PHF24: variants seen among roughly 807,000 people sequenced by gnomAD.
PHF24 encodes the protein Galpha inhibitory interacting protein.
PHF24 carries 25 observed loss-of-function variants against 42.6 expected under a neutral mutation model. That is an observed-to-expected ratio of 0.59 (90% CI 0.43 to 0.82). The LOEUF is 0.82. Among genes scored for constraint, PHF24 ranks in the 40% least tolerant of loss-of-function variants. The pLI is 0.00. For synonymous variants in PHF24, 185 were observed against 204.8 expected (o/e 0.90, Z 0.83); for missense variants, 470 against 538.1 (o/e 0.87, Z 1.25).
At chr9:34,946,468 CCCAT>C in the PHF24 span, among the ~76,000 whole-genome samples, 1 of 152,128 alleles carries the variant, frequency 6.6e-6, no homozygotes, top group South Asian at 2.1e-4. Context: ...CATTTCCAAA[CCCAT>C]TTGAAGATGT....
chr9:34,905,638 A>C, the PHF24 span, among the ~76,000 whole-genome samples: 1 of 152,210 alleles, frequency 6.6e-6, no homozygotes, highest in Non-Finnish European at 1.5e-5. Flanking sequence ...GATGGCATTC[A>C]AGCTGGTGCT....
intron 1 of PHF24, among the ~76,000 whole-genome samples, chr9:34,969,988 T>C (rs564530817): frequency 6.6e-6 from 1 of 152,332 alleles, no homozygotes; most frequent in South Asian, 2.1e-4. Context: ...CACTTTGACT[T>C]CTTTGGTTTC....
At chr9:34,718,892 A>G in the PHF24 span, among the ~76,000 whole-genome samples, 1 of 152,188 alleles carries the variant, frequency 6.6e-6, no homozygotes, top group African/African-American at 2.4e-5. Context: ...CCCTTCTGGA[A>G]AGCCCAAGAG....
the PHF24 span, chr9:34,835,015 G>A: frequency 6.8e-7 from 1 of 1,462,034 alleles, no homozygotes; most frequent in Non-Finnish European, 9.3e-7. Context: ...ATAGCTGGCT[G>A]TATTTCTGCT....
At chr9:34,870,035 T>G in the PHF24 span, among the ~76,000 whole-genome samples, 1 of 152,154 alleles carries the variant, frequency 6.6e-6, no homozygotes, top group African/African-American at 2.4e-5. Context: ...TATTTGTTTT[T>G]GTTGTTTTTT....
the PHF24 span, among the ~76,000 whole-genome samples, chr9:34,875,620 G>GA: frequency 2.0e-5 from 3 of 151,920 alleles, no homozygotes; most frequent in Non-Finnish European, 2.9e-5. Flanking sequence ...TAGTCACAGT[G>GA]AAAAAAATGG....
At chr9:34,811,372 G>C in the PHF24 span, among the ~76,000 whole-genome samples, 1 of 152,198 alleles carries the variant, frequency 6.6e-6, no homozygotes, top group African/African-American at 2.4e-5. Flanking sequence ...GGTCTTGAGA[G>C]CTCTGCCCTC....
At chr9:34,673,170 A>G in the PHF24 span, among the ~76,000 whole-genome samples, 3 of 152,266 alleles carry the variant, frequency 2.0e-5, no homozygotes, top group East Asian at 5.8e-4. Context: ...AGCCTAGCCA[A>G]CCTAGTGAAA....
At position 34,974,594 on chromosome 9, in the gene PHF24, G is replaced by A. The variant is rs183246413; in HGVS notation, c.565-1558G>A. Among the ~76,000 whole-genome samples, 5 of 152,094 alleles carry A rather than the reference G, an allele frequency of 3.3e-5. No homozygotes were observed. The East Asian group carries it at 5.8e-4, about 18-fold the overall frequency. ...TGACCATTCTTTCTCAATGCCCTTT[G>A]TTAGTTTCTTGTCTCAGTCCTGTTT... On this transcript the variant is annotated intron_variant, in intron 3 of 7. Transcript: ENST00000242315.
the PHF24 span, among the ~76,000 whole-genome samples, chr9:34,946,018 G>C: frequency 1.3e-5 from 2 of 152,210 alleles, no homozygotes; most frequent in Non-Finnish European, 2.9e-5. Flanking sequence ...TCGATGGAAA[G>C]TGTGGCCTTT....
At chr9:34,872,401 C>T in the PHF24 span, among the ~76,000 whole-genome samples, 1 of 137,160 alleles carries the variant, frequency 7.3e-6, no homozygotes, top group Non-Finnish European at 1.6e-5. Flanking sequence ...ATTCCCCTTC[C>T]TGTGTCCATG....
At chr9:34,700,907 G>C in the PHF24 span, among the ~76,000 whole-genome samples, 1 of 152,132 alleles carries the variant, frequency 6.6e-6, no homozygotes, top group Non-Finnish European at 1.5e-5. Flanking sequence ...AGTGTTTAAG[G>C]CACCTACCCA....
the PHF24 span, among the ~76,000 whole-genome samples, chr9:34,852,614 A>G: frequency 0.28 from 42,838 of 152,144 alleles, 7,505 homozygotes; most frequent in East Asian, 0.54. Flanking sequence ...CTTCTAGCCT[A>G]TAAAGTTTCT....
chr9:34,695,173 A>G, the PHF24 span, among the ~76,000 whole-genome samples: 1 of 152,088 alleles, frequency 6.6e-6, no homozygotes, highest in Non-Finnish European at 1.5e-5. Context: ...TGGGTAGGGG[A>G]AGAGGGGTTG....
At chr9:34,906,725 G>T in the PHF24 span, among the ~76,000 whole-genome samples, 1 of 150,126 alleles carries the variant, frequency 6.7e-6, no homozygotes, top group Non-Finnish European at 1.5e-5. Context: ...CCCACTCAAA[G>T]TGCAGGGAGG....
chr9:34,821,557 T>C, the PHF24 span, among the ~76,000 whole-genome samples: 1 of 152,176 alleles, frequency 6.6e-6, no homozygotes, highest in African/African-American at 2.4e-5. Context: ...AACTTGCTGG[T>C]GGGTGGCAGT....
the PHF24 span, among the ~76,000 whole-genome samples, chr9:34,925,192 C>A: frequency 6.6e-6 from 1 of 152,206 alleles, no homozygotes; most frequent in Non-Finnish European, 1.5e-5. Context: ...TCACTCCTCA[C>A]TCACCTGGCT....
At chr9:34,735,982 G>C in the PHF24 span, among the ~76,000 whole-genome samples, 1 of 151,858 alleles carries the variant, frequency 6.6e-6, no homozygotes, top group Non-Finnish European at 1.5e-5. Context: ...GCAACTCTAA[G>C]AAATAATAAA....
chr9:34,768,012 T>C, the PHF24 span, among the ~76,000 whole-genome samples: 1 of 152,238 alleles, frequency 6.6e-6, no homozygotes, highest in Non-Finnish European at 1.5e-5. Flanking sequence ...TGAGTCTTGC[T>C]GAACTCAGAC....
Sources: gnomAD v4.1 joint callset for allele counts (sites outside exome capture counted in the v4.1 genomes callset) on GRCh38, gnomAD v4.1.1 for gene constraint, MANE v1.5 for transcripts, NCBI Gene and HGNC (gene_info 2026-07-23, HGNC 2026-07-21) for gene names.